The following STARD13 variants were observed in gnomAD, a reference collection of about 807,000 sequenced individuals.
STARD13 encodes the protein stAR-related lipid transfer protein 13.
Under a neutral mutation model 106.4 loss-of-function variants are expected in STARD13, and 62 were observed. That is an observed-to-expected ratio of 0.58 (90% CI 0.48 to 0.72). The LOEUF (loss-of-function observed/expected upper bound fraction) is 0.72. STARD13 is among the 30% of genes least tolerant of loss of function. The probability of loss-of-function intolerance (pLI) is 0.00; values close to 1 mark genes in which losing one functional copy is unlikely to be tolerated. For missense variants in STARD13, 1,387 were observed against 1,424.0 expected (o/e 0.97, Z 0.42); for synonymous variants, 565 against 553.0 (o/e 1.02, Z -0.31).
At chr13:33,223,477 AG>A (rs1343725165) in intron 1 of STARD13, among the ~76,000 whole-genome samples, 2 of 152,038 alleles carry the variant, frequency 1.3e-5, no homozygotes, top group East Asian at 3.9e-4. Context: ...TGGCCAATGC[AG>A]TGAAACCCCA....
chr13:33,386,607 G>A, the STARD13 span, among the ~76,000 whole-genome samples: 1 of 152,136 alleles, frequency 6.6e-6, no homozygotes, highest in Non-Finnish European at 1.5e-5. Context: ...TGTGCCCACT[G>A]CCATTAGTAG....
chr13:33,298,267 C>G (rs1892576862), intron 1 of STARD13, among the ~76,000 whole-genome samples: 1 of 151,178 alleles, frequency 6.6e-6, no homozygotes, highest in Admixed American at 6.6e-5. Context: ...GTAGCTGGGA[C>G]TACAGGCATA....
chr13:33,644,383 T>C, the STARD13 span, among the ~76,000 whole-genome samples: 1 of 152,154 alleles, frequency 6.6e-6, no homozygotes, highest in East Asian at 1.9e-4. Flanking sequence ...GCCCTGGCCC[T>C]TGGGGGTAGC....
the STARD13 span, chr13:33,524,335 T>G: frequency 1.4e-5 from 17 of 1,179,488 alleles, no homozygotes; most frequent in Admixed American, 2.5e-4. Flanking sequence ...TTTCTTCTGA[T>G]GATTTTTCTT....
intron 1 of STARD13, among the ~76,000 whole-genome samples, chr13:33,182,973 GCTGCTGTTGCATATCCCACGC>G (rs1885391032): frequency 6.6e-6 from 1 of 152,178 alleles, no homozygotes; most frequent in Admixed American, 6.5e-5. Context: ...CCAGTCCCAG[GCTGCTGTTGCATATCCCACGC>G]CTGTGCTTAC....
At chr13:33,594,046 A>G in the STARD13 span, among the ~76,000 whole-genome samples, 2 of 152,106 alleles carry the variant, frequency 1.3e-5, no homozygotes, top group Non-Finnish European at 2.9e-5. Flanking sequence ...AGCTGGGACT[A>G]CAGGTGCCCG....
chr13:33,478,819 G>A, the STARD13 span, among the ~76,000 whole-genome samples: 1 of 152,150 alleles, frequency 6.6e-6, no homozygotes, highest in Admixed American at 6.5e-5. Flanking sequence ...ATGAGGCTGA[G>A]GTGGGAGGAT....
the STARD13 span, among the ~76,000 whole-genome samples, chr13:33,577,378 A>T: frequency 2.0e-5 from 3 of 152,162 alleles, no homozygotes; most frequent in Non-Finnish European, 4.4e-5. Context: ...ACATTGTTGC[A>T]CTTAAAAGAT....
the STARD13 span, among the ~76,000 whole-genome samples, chr13:33,442,282 A>G: frequency 6.6e-6 from 1 of 152,204 alleles, no homozygotes; most frequent in African/African-American, 2.4e-5. Flanking sequence ...TGAAAAGGAA[A>G]CAAAACACAG....
intron 1 of STARD13, among the ~76,000 whole-genome samples, chr13:33,315,355 G>T (rs1481845105): frequency 6.6e-6 from 1 of 152,154 alleles, no homozygotes; most frequent in East Asian, 1.9e-4. Context: ...TGAGCATCTG[G>T]TCAATCTCTT....
the STARD13 span, among the ~76,000 whole-genome samples, chr13:33,671,298 A>T: frequency 2.6e-3 from 389 of 152,382 alleles, 3 homozygotes; most frequent in African/African-American, 8.7e-3. Context: ...TATGGTAGTT[A>T]AAAGACCATA....
chr13:33,383,651 G>C, the STARD13 span: 1 of 151,354 alleles, frequency 6.6e-6, no homozygotes, highest in Non-Finnish European at 1.5e-5. Flanking sequence ...CAGCTACTTG[G>C]GAGGCTGAGG....
At chr13:33,415,674 T>TAAATA in the STARD13 span, among the ~76,000 whole-genome samples, 1 of 151,994 alleles carries the variant, frequency 6.6e-6, no homozygotes, top group South Asian at 2.1e-4. Flanking sequence ...TCGTTGTGTA[T>TAAATA]AATGCTGGTT....
chr13:33,640,013 G>C, the STARD13 span, among the ~76,000 whole-genome samples: 2 of 152,226 alleles, frequency 1.3e-5, no homozygotes, highest in Non-Finnish European at 1.5e-5. Context: ...AGGGGAATTT[G>C]CCTGGGGATA....
intron 1 of STARD13, among the ~76,000 whole-genome samples, chr13:33,201,384 T>C (rs931304561): frequency 2.0e-5 from 3 of 152,238 alleles, no homozygotes; most frequent in Non-Finnish European, 4.4e-5. Context: ...TTATTTCCGG[T>C]ATTCCTGTGG....
At chr13:33,477,734 G>A in the STARD13 span, among the ~76,000 whole-genome samples, 1 of 152,110 alleles carries the variant, frequency 6.6e-6, no homozygotes, top group South Asian at 2.1e-4. Flanking sequence ...AAAGATCAAT[G>A]ACCAGATTCC....
chr13:33,456,135 G>C, the STARD13 span, among the ~76,000 whole-genome samples: 1 of 152,052 alleles, frequency 6.6e-6, no homozygotes, highest in Non-Finnish European at 1.5e-5. Flanking sequence ...CAGTGTGCTA[G>C]GGCTGCCATA....
rs145485074 is a variant in STARD13 at position 33,115,024 on chromosome 13, C to G, written c.2282-2093G>C. Among the ~76,000 whole-genome samples, 5 of 152,156 alleles carry G rather than the reference C, an allele frequency of 3.3e-5. No individual in the cohort carries two copies. The East Asian group carries it at 9.7e-4, about 29-fold the overall frequency. ...AATCATATGGGGGATCCTGGCACCT[C>G]AAATTCAGATTCCTGTGGATTCTGA... is the stretch of plus-strand genomic sequence containing the variant. On this transcript the variant is annotated intron_variant, in intron 8 of 13. Transcript: ENST00000336934.
At chr13:33,393,333 G>T in the STARD13 span, among the ~76,000 whole-genome samples, 1 of 152,138 alleles carries the variant, frequency 6.6e-6, no homozygotes, top group African/African-American at 2.4e-5. Flanking sequence ...ATTTGGAGAT[G>T]AAAAAAATGA....
Sources: allele counts gnomAD v4.1 joint callset (sites outside exome capture counted in the v4.1 genomes callset), GRCh38; gene constraint gnomAD v4.1.1; transcripts MANE v1.5; gene names NCBI Gene and HGNC (gene_info 2026-07-23, HGNC 2026-07-21).